Variants in WIZ observed in about 807,000 individuals in gnomAD.
WIZ encodes the protein WIZ zinc finger, also known as protein Wiz.
Under a neutral mutation model 140.2 loss-of-function variants are expected in WIZ, and 25 were observed. That is an observed-to-expected ratio of 0.18 (90% CI 0.13 to 0.25). The LOEUF is 0.25. Among genes scored for constraint, WIZ ranks in the 10% least tolerant of loss-of-function variants. The probability of loss-of-function intolerance (pLI) is 1.00; values close to 1 mark genes in which losing one functional copy is unlikely to be tolerated. For missense variants in WIZ, 2,231 were observed against 2,632.6 expected (o/e 0.85, Z 3.34); for synonymous variants, 1,125 against 1,154.3 (o/e 0.97, Z 0.51).
rs760718451 is a variant in WIZ, at chr19:15,436,921, G to A, written c.2625C>T (p.Gly875=). 2.5e-6 allele frequency: 4 copies of A among 1,613,174 alleles called. No individual in the cohort carries two copies. The highest frequency in any genetic ancestry group is 1.1e-5 in the South Asian group (1 of 90,994). The change falls in exon 5 of 13, where the codon GGC becomes GGT. Residue 875 remains glycine, a synonymous_variant. Coordinates refer to ENST00000673675, the MANE Select transcript of WIZ (RefSeq NM_001371589.1). ...TGCCAGGCGGACCCCCAGGCTCTCG[G>A]CCCAGGGGGCTGGGGGGCTGCTCAG... ...SAAEQPPSPL[G]REPGGPPGSF...
In WIZ at chr19:15,424,073, G is replaced by T; in HGVS notation, c.5510+110C>A. On this transcript the variant is annotated intron_variant, in intron 12 of 12. Coordinates refer to ENST00000673675, the MANE Select transcript of WIZ (RefSeq NM_001371589.1). The surrounding 1 kb of genome is among the most constrained non-coding windows in gnomAD (Gnocchi z 9.7). ...CTGAGCCCCACCACACCCAAGGGCA[G>T]CCACTGAGGCGACACCTCCCAGCTT... is the stretch of plus-strand genomic sequence containing the variant. 1 of 1,039,788 alleles carries T rather than the reference G, an allele frequency of 9.6e-7. No individual in the cohort carries two copies. Among genetic ancestry groups the T allele is most frequent in the Non-Finnish European group, 1.3e-6 (1 of 753,292 alleles). The allele number at this position is 1,039,788 out of a possible 1,614,324, so 64.4% of individuals were successfully genotyped here. A position where few individuals can be genotyped will look rare whatever the true frequency, so the allele number is the denominator to read the frequency against.
chr19:15,445,048 G>A (rs1969869544), intron 2 of WIZ, among the ~76,000 whole-genome samples: 1 of 152,224 alleles, frequency 6.6e-6, no homozygotes, highest in African/African-American at 2.4e-5. Flanking sequence ...GGGGGTGGGG[G>A]CTTCACCCAG....
chr19:15,426,685 T>C (rs1366217312), intron 9 of WIZ, among the ~76,000 whole-genome samples: 2 of 152,244 alleles, frequency 1.3e-5, no homozygotes, highest in Non-Finnish European at 2.9e-5. Flanking sequence ...CCCGCAGTCT[T>C]TCTCCCTAGG....
At chr19:15,430,204 C>G in intron 6 of WIZ, 115 bp from the exon 7 acceptor site, 1 of 1,383,364 alleles carries the variant, frequency 7.2e-7, no homozygotes. Flanking sequence ...TGTTTTGCCT[C>G]CGTCAGGCCC....
In WIZ at chr19:15,440,160, C is replaced by G. The variant is rs1449497936; in HGVS notation, c.834G>C (p.Gln278His). Residue 278 changes from glutamine to histidine, a missense_variant, in exon 4 of 13, where the codon CAG becomes CAC. Around this residue, in one of 15 missense-constraint regions of WIZ, gnomAD observed 307 missense variants for 294.1 expected, o/e 1.04. Transcript: ENST00000673675. This position sits in a 1 kb window ranked among gnomAD's most constrained non-coding sequence, Gnocchi z 6.2. ...CGGTCCGGATCGGGGGCAGTAGCGGCTGCAGCCGCTCCACAGAAGCCTCCG... is the reference window on the plus strand; with the variant it reads ...CGGTCCGGATCGGGGGCAGTAGCGGGTGCAGCCGCTCCACAGAAGCCTCCG... ...VNSEASVERLQPLLPPIRTGP... is the reference protein window; with the variant it reads ...VNSEASVERLHPLLPPIRTGP... 6.5e-7 allele frequency: 1 copy of G among 1,532,058 alleles called. No individual in the cohort carries two copies. The highest frequency in any genetic ancestry group is 8.7e-7 in the Non-Finnish European group (1 of 1,145,140). 94.9% of individuals were successfully genotyped at this position (1,532,058 alleles called of 1,614,324 possible). A position where few individuals can be genotyped will look rare whatever the true frequency, so the allele number is the denominator to read the frequency against.
intron 3 of WIZ, among the ~76,000 whole-genome samples, chr19:15,441,616 T>C (rs1446528677): frequency 2.0e-5 from 3 of 152,148 alleles, no homozygotes; most frequent in African/African-American, 7.2e-5. Flanking sequence ...AGATCGGTTC[T>C]CCCTTCCTTT....
chr19:15,425,804 GGA>G (rs1968733713), intron 9 of WIZ, 36 bp from the exon 10 acceptor site: 3 of 1,123,918 alleles, frequency 2.7e-6, no homozygotes, highest in South Asian at 3.3e-5. Context: ...AGGAGGAGGA[GGA>G]GGAGGAGGAG....
At chr19:15,423,524 T>C (rs898875086) in intron 12 of WIZ, among the ~76,000 whole-genome samples, 3 of 151,990 alleles carry the variant, frequency 2.0e-5, no homozygotes, top group Admixed American at 6.5e-5. Context: ...GGCAGATACA[T>C]AGAATCTGAG....
At position 15,425,040 on chromosome 19, in the gene WIZ, G is replaced by C; in HGVS notation, c.4895-8C>G. ...CGCAGCAGGCCTCGGTGGCTGCGGG[G>C]CGGAGGGGGTGCTGCTGAGTCACAG... On this transcript the variant is annotated splice_polypyrimidine_tract_variant and splice_region_variant and intron_variant, in intron 10 of 12. Coordinates refer to ENST00000673675, the MANE Select transcript of WIZ (RefSeq NM_001371589.1). 1.3e-6 allele frequency: 2 copies of C among 1,564,730 alleles called. No homozygotes were observed. Among genetic ancestry groups the C allele is most frequent in the Non-Finnish European group, 1.7e-6 (2 of 1,158,912 alleles).
chr19:15,431,870 C>A (rs1969262887), intron 5 of WIZ, among the ~76,000 whole-genome samples: 1 of 152,166 alleles, frequency 6.6e-6, no homozygotes, highest in Non-Finnish European at 1.5e-5. Context: ...GCAGAGGGAA[C>A]CAAGGGTGAA....
At position 15,439,601 on chromosome 19, in the gene WIZ, C is replaced by A; in HGVS notation, c.1393G>T (p.Ala465Ser). 6 of 1,480,624 alleles carry A rather than the reference C, an allele frequency of 4.1e-6. No homozygotes were observed. The highest frequency in any genetic ancestry group is 1.3e-5 in the South Asian group (1 of 77,818). 91.7% of individuals were successfully genotyped at this position (1,480,624 alleles called of 1,614,324 possible). ...QPYGAAVGLS[A>S]CVFCGFPAPS... ...GCGGGGAAACCACAGAAGACACAGG[C>A]GCTGAGGCCAACGGCAGCTCCGTAG... The change falls in exon 4 of 13, where the codon GCC becomes TCC. Residue 465 changes from alanine to serine, a missense_variant. Around this residue, in one of 15 missense-constraint regions of WIZ, gnomAD observed 475 missense variants for 520.2 expected, o/e 0.91. Transcript: ENST00000673675. The surrounding 1 kb of genome is among the most constrained non-coding windows in gnomAD (Gnocchi z 7.0).
Position 15,448,142 on chromosome 19 carries a change from C to G in WIZ, c.166G>C (p.Gly56Arg). 6.2e-7 allele frequency: 1 copy of G among 1,612,852 alleles called. No individual in the cohort carries two copies. The highest frequency in any genetic ancestry group is 2.2e-5 in the East Asian group (1 of 44,846). ...CTGCCATCCAGAATGTCTCGGGGGCCCTCCTTGGTGACAGGCAGGTAACGG... is the reference window on the plus strand; with the variant it reads ...CTGCCATCCAGAATGTCTCGGGGGCGCTCCTTGGTGACAGGCAGGTAACGG... ...STRYLPVTKEGPRDILDGRGG... is the reference protein window; with the variant it reads ...STRYLPVTKERPRDILDGRGG... Residue 56 changes from glycine (G) to arginine (R), a missense_variant, in exon 2 of 13, where the codon GGC (glycine) becomes CGC (arginine). By Grantham distance (125) the Gly-to-Arg change is moderately radical (BLOSUM62 -2). This residue lies in a region of WIZ where 85 missense variants were observed against 90.9 expected (regional missense o/e 0.94). Coordinates refer to ENST00000673675, the MANE Select transcript of WIZ (RefSeq NM_001371589.1).
intron 3 of WIZ, among the ~76,000 whole-genome samples, chr19:15,441,156 T>C (rs527563035): frequency 6.6e-6 from 1 of 152,334 alleles, no homozygotes; most frequent in South Asian, 2.1e-4. Flanking sequence ...TCCCCCAGAT[T>C]TGGCGATTAA....
At chr19:15,425,816 GGGAGGAGGAGGGAGGAGGAGGGA>G in intron 9 of WIZ, 48 bp from the exon 10 acceptor site, 1 of 25,370 alleles carries the variant, frequency 3.9e-5, no homozygotes, top group Non-Finnish European at 5.7e-5. Flanking sequence ...AGGAGGAGGA[GGGAGGAGGAGGGAGGAGGAGGGA>G]GGAGGAGGAG....
At chr19:15,432,412 C>T in intron 5 of WIZ, 1 of 983,634 alleles carries the variant, frequency 1.0e-6, no homozygotes, top group Non-Finnish European at 1.2e-6. Flanking sequence ...CTCCCCACAC[C>T]CTCCCAAGCG....
Position 15,427,895 on chromosome 19 carries a change from C to G in WIZ, c.3814+215G>C, listed in dbSNP as rs886817398. Among the ~76,000 whole-genome samples the G allele has an allele frequency of 6.6e-6, 1 of 152,212 alleles. No individual in the cohort carries two copies. Among genetic ancestry groups the G allele is most frequent in the East Asian group, 1.9e-4 (1 of 5,198 alleles). On this transcript the variant is annotated intron_variant, in intron 8 of 12. Transcript: ENST00000673675. This position sits in a 1 kb window ranked among gnomAD's most constrained non-coding sequence, Gnocchi z 6.4. Reference sequence around the variant, plus strand: ...TGCACACTAAAAGGCAGGATCTCCCCACCTTGGCCTTCATTCTCAGGAAGG... The same window carrying G: ...TGCACACTAAAAGGCAGGATCTCCCGACCTTGGCCTTCATTCTCAGGAAGG...
At chr19:15,433,423 G>T in intron 5 of WIZ, 1 of 914,102 alleles carries the variant, frequency 1.1e-6, no homozygotes, top group Non-Finnish European at 1.3e-6. Flanking sequence ...CGACAGCCTT[G>T]CAGCGCCAGT....
intron 7 of WIZ, 85 bp downstream of exon 7, chr19:15,429,501 G>C: frequency 8.5e-7 from 1 of 1,175,028 alleles, no homozygotes; most frequent in Non-Finnish European, 1.1e-6. Flanking sequence ...CCCACCCTGG[G>C]CCCTGTCCCT....
Position 15,424,907 on chromosome 19 carries a change from C to T in WIZ, c.5020G>A (p.Glu1674Lys), listed in dbSNP as rs1299340914. 6.2e-7 allele frequency: 1 copy of T among 1,609,260 alleles called. No homozygotes were observed. The highest frequency in any genetic ancestry group is 8.5e-7 in the Non-Finnish European group (1 of 1,178,970). The change falls in exon 11 of 13, where the codon GAG (glutamate) becomes AAG (lysine). Residue 1674 changes from glutamate to lysine, a missense_variant. Physicochemically the swap from Glu to Lys is moderately conservative, Grantham distance 56. Around this residue, in one of 15 missense-constraint regions of WIZ, gnomAD observed 18 missense variants for 61.4 expected, o/e 0.29. Coordinates refer to ENST00000673675, the MANE Select transcript of WIZ (RefSeq NM_001371589.1). The surrounding 1 kb of genome is among the most constrained non-coding windows in gnomAD (Gnocchi z 9.7). Reference sequence around the variant, plus strand: ...TGTTTGATCCACTCGCTCAGTGTCTCGATGGGCGAGCCATTGACGCACCAC... The same window carrying T: ...TGTTTGATCCACTCGCTCAGTGTCTTGATGGGCGAGCCATTGACGCACCAC... Reference protein sequence around the residue: ...TEWCVNGSPIETLSEWIKHRP... With the variant: ...TEWCVNGSPIKTLSEWIKHRP...
Sources: gnomAD v4.1 joint callset for allele counts (sites outside exome capture counted in the v4.1 genomes callset) on GRCh38, gnomAD v4.1.1 for gene constraint, gnomAD v4.1.1 regional missense constraint, Gnocchi (gnomAD v3.1) non-coding constraint, MANE v1.5 for transcripts, NCBI Gene and HGNC (gene_info 2026-07-23, HGNC 2026-07-21) for gene names.